Variants in CFTR observed in about 807,000 individuals in gnomAD.
CFTR encodes cystic fibrosis transmembrane conductance regulator.
Under a neutral mutation model 171.6 loss-of-function variants are expected in CFTR, and 181 were observed. That is an observed-to-expected ratio of 1.05 (90% CI 0.93 to 1.19). The LOEUF is 1.19. Ranked by LOEUF, CFTR falls within the 50% of genes most tolerant of loss-of-function variation. CFTR has a pLI of 0.00. For missense variants in CFTR, 1,968 were observed against 1,734.7 expected (o/e 1.13, Z -2.39); for synonymous variants, 583 against 608.0 (o/e 0.96, Z 0.60).
intron 22 of CFTR, among the ~76,000 whole-genome samples, chr7:117,641,112 C>T (rs1334779659): frequency 2.0e-5 from 3 of 152,114 alleles, no homozygotes; most frequent in Non-Finnish European, 4.4e-5. Context: ...TGTCTGAGAA[C>T]AAACATTTGT....
In CFTR at chr7:117,664,857, C is replaced by T. The variant is rs752637215; in HGVS notation, c.4133C>T (p.Pro1378Leu). The T allele has an allele frequency of 6.2e-7, 1 of 1,613,858 alleles. No individual in the cohort carries two copies. Among genetic ancestry groups the T allele is most frequent in the South Asian group, 1.1e-5 (1 of 91,072 alleles). Residue 1378 changes from proline (P) to leucine (L), a missense_variant, in exon 25 of 27, where the codon CCA becomes CTA. Transcript: ENST00000003084. ...LLDEPSAHLDPVTYQIIRRTL... is the reference protein window; with the variant it reads ...LLDEPSAHLDLVTYQIIRRTL... The stretch of plus-strand genomic sequence containing the variant: ...GATGAACCCAGTGCTCATTTGGATC[C>T]AGTGTGAGTTTCAGATGTTCTGTTA...
chr7:117,493,419 CTTATT>C (rs1798192187), intron 1 of CFTR, among the ~76,000 whole-genome samples: 2 of 152,008 alleles, frequency 1.3e-5, no homozygotes, highest in Admixed American at 1.3e-4. Flanking sequence ...GAGGTAGAGT[CTTATT>C]AATTCCTTGG....
chr7:117,644,906 G>C (rs917783523), intron 23 of CFTR, among the ~76,000 whole-genome samples: 39 of 152,126 alleles, frequency 2.6e-4, no homozygotes, highest in Admixed American at 2.0e-4. Context: ...AGAACAACAA[G>C]ATCTAAAATG....
At chr7:117,486,782 T>C (rs1001513667) in intron 1 of CFTR, among the ~76,000 whole-genome samples, 2 of 150,864 alleles carry the variant, frequency 1.3e-5, no homozygotes, top group Non-Finnish European at 2.9e-5. Flanking sequence ...AGCCATGGCT[T>C]TTAAACAGGA....
intron 6 of CFTR, 91 bp downstream of exon 6, chr7:117,535,502 A>G: frequency 9.7e-6 from 10 of 1,028,696 alleles, no homozygotes; most frequent in Non-Finnish European, 1.5e-5. Flanking sequence ...TATGCATAGA[A>G]CAGTGATCTT....
chr7:117,507,443 T>C (rs1798438442), intron 2 of CFTR, among the ~76,000 whole-genome samples: 1 of 152,200 alleles, frequency 6.6e-6, no homozygotes, highest in South Asian at 2.1e-4. Flanking sequence ...TCTACATTAC[T>C]TCCGTGTGGA....
intron 10 of CFTR, among the ~76,000 whole-genome samples, chr7:117,554,001 T>A (rs1256341227): frequency 1.3e-5 from 2 of 151,876 alleles, no homozygotes; most frequent in Non-Finnish European, 2.9e-5. Flanking sequence ...ACAGGGAGGG[T>A]AGAATACTGT....
intron 12 of CFTR, among the ~76,000 whole-genome samples, chr7:117,589,829 G>T (rs970061727): frequency 6.6e-6 from 1 of 151,952 alleles, no homozygotes; most frequent in Non-Finnish European, 1.5e-5. Flanking sequence ...CATAAGTAAT[G>T]TAATTTATTA....
chr7:117,614,779 A>T (rs1202037961), intron 21 of CFTR, 66 bp downstream of exon 21: 3 of 972,854 alleles, frequency 3.1e-6, no homozygotes, highest in Non-Finnish European at 5.0e-6. Flanking sequence ...TATGAGTAAT[A>T]GCATGAGGAA....
At chr7:117,521,919 C>T (rs1353914232) in intron 3 of CFTR, among the ~76,000 whole-genome samples, 1 of 152,008 alleles carries the variant, frequency 6.6e-6, no homozygotes, top group Non-Finnish European at 1.5e-5. Context: ...TTGATCCTAT[C>T]TTAGGTATGC....
intron 12 of CFTR, among the ~76,000 whole-genome samples, chr7:117,588,277 A>T (rs776717695): frequency 5.3e-5 from 8 of 152,136 alleles, no homozygotes; most frequent in Non-Finnish European, 1.0e-4. Context: ...AAGGCAAATG[A>T]TGTCACTTGG....
At chr7:117,517,626 C>T (rs1207623890) in intron 3 of CFTR, among the ~76,000 whole-genome samples, 3 of 152,106 alleles carry the variant, frequency 2.0e-5, no homozygotes, top group Non-Finnish European at 2.9e-5. Context: ...CTTGAGGAAT[C>T]GCCACACTGT....
At chr7:117,512,993 A>G (rs1394049791) in intron 3 of CFTR, among the ~76,000 whole-genome samples, 1 of 152,108 alleles carries the variant, frequency 6.6e-6, no homozygotes, top group Non-Finnish European at 1.5e-5. Flanking sequence ...ATGGCAAAGG[A>G]GGATCTCTGT....
chr7:117,610,568 C>T lies in CFTR; in HGVS notation c.3038C>T (p.Pro1013Leu), dbSNP rs193922516. 2.0e-5 allele frequency: 32 copies of T among 1,613,332 alleles called. No individual in the cohort carries two copies. The South Asian group carries it at 2.4e-4, about 12-fold the overall frequency. ...GAIAVVAVLQ[P>L]YIFVATVPVI... ...ATAGCAGTTGTCGCAGTTTTACAACCCTACATCTTTGTTGCAACAGTGCCA... is the reference window on the plus strand; with the variant it reads ...ATAGCAGTTGTCGCAGTTTTACAACTCTACATCTTTGTTGCAACAGTGCCA... Residue 1013 changes from proline (P) to leucine (L), a missense_variant, in exon 19 of 27, where the codon CCC becomes CTC. Pro to Leu is a moderately conservative substitution (Grantham distance 98). Coordinates refer to ENST00000003084, the MANE Select transcript of CFTR (RefSeq NM_000492.4).
chr7:117,629,460 A>T (rs1404628988), intron 22 of CFTR, among the ~76,000 whole-genome samples: 1 of 152,232 alleles, frequency 6.6e-6, no homozygotes, highest in Non-Finnish European at 1.5e-5. Flanking sequence ...AGAAACAAAG[A>T]ACAATAAGAG....
In CFTR at chr7:117,502,955, A is replaced by C. The variant is rs1169265976; in HGVS notation, c.54-1298A>C. 2.0e-5 allele frequency among the ~76,000 whole-genome samples: 3 copies of C among 152,208 alleles called. No individual in the cohort carries two copies. The East Asian group carries it at 5.8e-4, about 29-fold the overall frequency. On this transcript the variant is annotated intron_variant, in intron 1 of 26. Coordinates refer to ENST00000003084, the MANE Select transcript of CFTR (RefSeq NM_000492.4). ...AGTTTTAATGAAGGACAAGTTGTAG[A>C]GATATCGAGAACCCAGGGCAGGTGC...
At chr7:117,610,736 T>G in intron 19 of CFTR, 67 bp downstream of exon 19, 4 of 1,556,636 alleles carry the variant, frequency 2.6e-6, no homozygotes, top group Non-Finnish European at 3.5e-6. Context: ...GATTCTTTAT[T>G]GTTAATCTAC....
chr7:117,642,709 C>T (rs1375266137), intron 23 of CFTR, 116 bp downstream of exon 23: 1 of 1,145,228 alleles, frequency 8.7e-7, no homozygotes, highest in Non-Finnish European at 1.3e-6. Context: ...TTATGCATTG[C>T]TGTCTTTTTT....
chr7:117,514,561 A>G (rs975795609), intron 3 of CFTR, among the ~76,000 whole-genome samples: 1 of 152,046 alleles, frequency 6.6e-6, no homozygotes, highest in African/African-American at 2.4e-5. Context: ...TCTGTCATTG[A>G]TGGGCATTTG....
Sources: gnomAD v4.1 joint callset for allele counts (sites outside exome capture counted in the v4.1 genomes callset) on GRCh38, gnomAD v4.1.1 for gene constraint, MANE v1.5 for transcripts, NCBI Gene and HGNC (gene_info 2026-07-23, HGNC 2026-07-21) for gene names.